Variants in HDAC4 observed in about 807,000 individuals in gnomAD.
HDAC4 encodes histone deacetylase 4.
Under a neutral mutation model 135.1 loss-of-function variants are expected in HDAC4, and 16 were observed. The observed-to-expected ratio is 0.12, with a 90% CI of 0.08 to 0.18. The LOEUF is 0.18. Among genes scored for constraint, HDAC4 ranks in the 10% least tolerant of loss-of-function variants. The probability of loss-of-function intolerance (pLI) is 1.00; values close to 1 mark genes in which losing one functional copy is unlikely to be tolerated. For missense variants in HDAC4, 1,143 were observed against 1,511.8 expected, an observed-to-expected ratio of 0.76 and a Z score of 4.05; for synonymous variants, 685 against 653.4, an observed-to-expected ratio of 1.05 and a Z score of -0.74.
chr2:239,378,384 C>T (rs1258296798), intron 1 of HDAC4, among the ~76,000 whole-genome samples: 2 of 152,134 alleles, frequency 1.3e-5, no homozygotes, highest in Admixed American at 6.5e-5. Flanking sequence ...GCGTTGGCCC[C>T]GGGGAACGAA....
intron 2 of HDAC4, among the ~76,000 whole-genome samples, chr2:239,276,202 C>T (rs2050351515): frequency 6.6e-6 from 1 of 152,230 alleles, no homozygotes; most frequent in Admixed American, 6.5e-5. Flanking sequence ...CAAGTTAGAG[C>T]AGCTGCACCA....
chr2:239,304,961 C>A (rs919910575), intron 2 of HDAC4, among the ~76,000 whole-genome samples: 5 of 152,156 alleles, frequency 3.3e-5, no homozygotes, highest in African/African-American at 1.2e-4. Context: ...ATCACAGAGT[C>A]CAGCCGTCCC....
intron 4 of HDAC4, among the ~76,000 whole-genome samples, chr2:239,177,882 A>T (rs2043874142): frequency 6.6e-6 from 1 of 152,152 alleles, no homozygotes; most frequent in South Asian, 2.1e-4. Context: ...GTATCGGAAA[A>T]GGTGAAAAGG....
chr2:239,165,718 T>C (rs1162429030), intron 5 of HDAC4, among the ~76,000 whole-genome samples: 1 of 152,218 alleles, frequency 6.6e-6, no homozygotes, highest in Non-Finnish European at 1.5e-5. Context: ...GGTTCGTGGC[T>C]CTCGGCTGCT....
In HDAC4 at chr2:239,053,546, G is replaced by C. The variant is rs760184285; in HGVS notation, c.3144C>G (p.Ile1048Met). ...CTTCGTTCTCGCAAGTCTGAGCCTC[G>C]ATCAGAGAACGCCCCGCTGTGGAGG... ...RTTSTAGRSL[I>M]EAQTCENEEA... The change falls in exon 26 of 27, where the codon ATC becomes ATG. Residue 1048 changes from isoleucine to methionine, a missense_variant. Ile to Met is a conservative substitution (Grantham distance 10). This residue lies in a region of HDAC4 where 131 missense variants were observed against 130.6 expected (regional missense o/e 1.00). Coordinates refer to ENST00000543185, the MANE Select transcript of HDAC4 (RefSeq NM_001378414.1). 1.2e-6 allele frequency: 2 copies of C among 1,613,786 alleles called. No homozygotes were observed. The highest frequency in any genetic ancestry group is 1.7e-6 in the Non-Finnish European group (2 of 1,179,974).
At chr2:239,202,478 C>G (rs919040566) in intron 3 of HDAC4, among the ~76,000 whole-genome samples, 1 of 152,118 alleles carries the variant, frequency 6.6e-6, no homozygotes. Context: ...GGAGAAGGTA[C>G]CCTGGCCTCC....
intron 3 of HDAC4, among the ~76,000 whole-genome samples, chr2:239,213,169 A>G (rs1387401138): frequency 1.3e-5 from 2 of 148,310 alleles, no homozygotes; most frequent in Non-Finnish European, 3.0e-5. Flanking sequence ...GAAGGACAAG[A>G]ATGAGGAGGA....
chr2:239,080,759 A>T (rs192407163), intron 22 of HDAC4, among the ~76,000 whole-genome samples: 1 of 152,246 alleles, frequency 6.6e-6, no homozygotes, highest in Admixed American at 6.5e-5. Flanking sequence ...AGATCATGAG[A>T]CCCTGCAGGT....
At chr2:239,384,975 T>G (rs576376776) in intron 1 of HDAC4, among the ~76,000 whole-genome samples, 1 of 152,128 alleles carries the variant, frequency 6.6e-6, no homozygotes, top group Admixed American at 6.5e-5. Flanking sequence ...ACCCAAGGGC[T>G]CCAGCGAGCC....
chr2:239,378,720 A>G (rs966102218), intron 1 of HDAC4, among the ~76,000 whole-genome samples: 8 of 149,660 alleles, frequency 5.3e-5, no homozygotes, highest in African/African-American at 1.5e-4. Flanking sequence ...GGGAACCAAT[A>G]ACCCCAGGAA....
intron 2 of HDAC4, among the ~76,000 whole-genome samples, chr2:239,275,035 C>A (rs1467105263): frequency 6.6e-6 from 1 of 152,246 alleles, no homozygotes; most frequent in Non-Finnish European, 1.5e-5. Context: ...TAAACATTCC[C>A]AGAGCTGCGA....
In HDAC4 at chr2:239,108,294, C is replaced by T. The variant is rs189201862; in HGVS notation, c.1979-111G>A. ...GAACCACCACTTCCCTAGAAGGAGA[C>T]GGAAGCTGGGACGGTTCTTTAGAAA... On this transcript the variant is annotated intron_variant, in intron 14 of 26. Transcript: ENST00000543185. The T allele has an allele frequency of 2.5e-4, 329 of 1,318,956 alleles. 1 individual carries two copies. The African/African-American group carries it at 3.4e-3, about 14-fold the overall frequency. The allele number at this position is 1,318,956 out of a possible 1,614,324, so 81.7% of individuals were successfully genotyped here.
At chr2:239,224,946 T>C (rs551131127) in intron 3 of HDAC4, among the ~76,000 whole-genome samples, 1 of 152,344 alleles carries the variant, frequency 6.6e-6, no homozygotes, top group South Asian at 2.1e-4. Flanking sequence ...ATTCAAAATC[T>C]TCTCACACAT....
At chr2:239,097,817 G>A (rs1211476253) in intron 16 of HDAC4, among the ~76,000 whole-genome samples, 3 of 152,244 alleles carry the variant, frequency 2.0e-5, no homozygotes, top group East Asian at 1.9e-4. Context: ...CACAGTGGGC[G>A]GGTGCTGCCT....
chr2:239,327,307 G>A (rs1029173811), intron 2 of HDAC4, among the ~76,000 whole-genome samples: 5 of 152,162 alleles, frequency 3.3e-5, no homozygotes, highest in Non-Finnish European at 7.3e-5. Flanking sequence ...AAGGCAAGCC[G>A]GGGCCCGATG....
At chr2:239,077,996 A>C (rs2034932781) in intron 22 of HDAC4, among the ~76,000 whole-genome samples, 1 of 152,244 alleles carries the variant, frequency 6.6e-6, no homozygotes, top group African/African-American at 2.4e-5. Flanking sequence ...CATCTTTGAT[A>C]AACTTCGTAA....
intron 3 of HDAC4, among the ~76,000 whole-genome samples, chr2:239,212,850 C>T (rs1413728042): frequency 6.6e-6 from 1 of 152,224 alleles, no homozygotes; most frequent in African/African-American, 2.4e-5. Context: ...GGAAGATAAG[C>T]AGTCAACATG....
chr2:239,118,358 A>G (rs1216900413), intron 12 of HDAC4, among the ~76,000 whole-genome samples: 9 of 152,236 alleles, frequency 5.9e-5, no homozygotes, highest in Non-Finnish European at 1.3e-4. Flanking sequence ...AGCCAGGTCC[A>G]GCCGGGTGCA....
intron 2 of HDAC4, among the ~76,000 whole-genome samples, chr2:239,266,913 C>T (rs2049768621): frequency 6.6e-6 from 1 of 152,148 alleles, no homozygotes; most frequent in Non-Finnish European, 1.5e-5. Context: ...AGTTTCGTCT[C>T]CCCCAGCCCT....
Sources: allele counts gnomAD v4.1 joint callset (sites outside exome capture counted in the v4.1 genomes callset), GRCh38; gene constraint gnomAD v4.1.1; regional missense constraint gnomAD v4.1.1; transcripts MANE v1.5; gene names NCBI Gene and HGNC (gene_info 2026-07-23, HGNC 2026-07-21).